EXT1: variants seen among roughly 807,000 people sequenced by gnomAD.
EXT1 encodes exostosin-1.
EXT1 carries 20 observed loss-of-function variants against 82.5 expected under a neutral mutation model. That is an observed-to-expected ratio of 0.24 (90% CI 0.17 to 0.35). The LOEUF (loss-of-function observed/expected upper bound fraction) is 0.35, where lower values mean the gene tolerates loss of function less well. EXT1 is among the 10% of genes least tolerant of loss of function. The probability of loss-of-function intolerance (pLI) is 1.00; values close to 1 mark genes in which losing one functional copy is unlikely to be tolerated. For missense variants in EXT1, 757 were observed against 936.5 expected (o/e 0.81, Z 2.50); for synonymous variants, 348 against 350.8 (o/e 0.99, Z 0.09).
At chr8:117,983,046 C>T (rs1247558579) in intron 1 of EXT1, among the ~76,000 whole-genome samples, 4 of 152,186 alleles carry the variant, frequency 2.6e-5, no homozygotes. Context: ...AAATTAGTTT[C>T]ATTTCATGGT....
intron 1 of EXT1, among the ~76,000 whole-genome samples, chr8:117,862,494 G>A (rs780398464): frequency 6.9e-6 from 1 of 145,872 alleles, no homozygotes; most frequent in Non-Finnish European, 1.5e-5. Flanking sequence ...TCAGAAGGGA[G>A]AAATATATTG....
intron 1 of EXT1, among the ~76,000 whole-genome samples, chr8:117,873,864 GATTT>G (rs1409010237): frequency 3.3e-5 from 5 of 152,316 alleles, no homozygotes; most frequent in East Asian, 3.9e-4. Context: ...ACTCAAAATA[GATTT>G]ATTTGGTATT....
At chr8:117,887,219 G>A (rs1813161893) in intron 1 of EXT1, among the ~76,000 whole-genome samples, 1 of 152,048 alleles carries the variant, frequency 6.6e-6, no homozygotes, top group Non-Finnish European at 1.5e-5. Context: ...ATTTTTTTAG[G>A]TAGGTCTTTC....
intron 1 of EXT1, among the ~76,000 whole-genome samples, chr8:118,098,740 T>C (rs1408397346): frequency 2.4e-5 from 3 of 127,108 alleles, no homozygotes; most frequent in Non-Finnish European, 4.8e-5. Flanking sequence ...GCCTGGACAA[T>C]AGAGCAAGAC....
At chr8:117,896,303 C>G (rs531700772) in intron 1 of EXT1, among the ~76,000 whole-genome samples, 1 of 152,180 alleles carries the variant, frequency 6.6e-6, no homozygotes, top group Non-Finnish European at 1.5e-5. Context: ...TATTTTATTA[C>G]GAGCTTCCTT....
chr8:117,816,878 G>T (rs569492043), intron 7 of EXT1, among the ~76,000 whole-genome samples: 30 of 152,164 alleles, frequency 2.0e-4, no homozygotes, highest in South Asian at 1.0e-3. Flanking sequence ...ACCCATGGAA[G>T]CATACAAAAC....
At chr8:118,102,302 A>C (rs1291827407) in intron 1 of EXT1, among the ~76,000 whole-genome samples, 1 of 151,956 alleles carries the variant, frequency 6.6e-6, no homozygotes, top group Non-Finnish European at 1.5e-5. Context: ...TATGTAAGAA[A>C]ATGTAAATGG....
At chr8:117,934,763 G>A (rs956351245) in intron 1 of EXT1, among the ~76,000 whole-genome samples, 2 of 152,302 alleles carry the variant, frequency 1.3e-5, no homozygotes, top group African/African-American at 4.8e-5. Flanking sequence ...AGGCACTGCG[G>A]TACAGGACAG....
chr8:117,951,409 T>C (rs946645858), intron 1 of EXT1, among the ~76,000 whole-genome samples: 1 of 152,198 alleles, frequency 6.6e-6, no homozygotes, highest in African/African-American at 2.4e-5. Context: ...CAAAAGACAT[T>C]TCATATTTTG....
At chr8:117,862,044 A>C in intron 1 of EXT1, among the ~76,000 whole-genome samples, 1 of 146,028 alleles carries the variant, frequency 6.8e-6, no homozygotes, top group East Asian at 1.9e-4. Context: ...TTTGTACGAC[A>C]CTGATGAAAA....
intron 1 of EXT1, among the ~76,000 whole-genome samples, chr8:117,873,756 T>G (rs1024530786): frequency 6.6e-6 from 1 of 152,136 alleles, no homozygotes; most frequent in Non-Finnish European, 1.5e-5. Flanking sequence ...GCGCCCAGTC[T>G]CACTTTAAAG....
chr8:117,864,184 A>T (rs1812733646), intron 1 of EXT1, among the ~76,000 whole-genome samples: 1 of 152,238 alleles, frequency 6.6e-6, no homozygotes, highest in African/African-American at 2.4e-5. Flanking sequence ...CAACAAAAAC[A>T]CAAAAATCAG....
intron 1 of EXT1, among the ~76,000 whole-genome samples, chr8:117,873,447 C>CTGTTTTTTTTTT (rs1470618787): frequency 1.0e-5 from 1 of 99,706 alleles, no homozygotes; most frequent in Non-Finnish European, 1.9e-5. Context: ...TGTCCTGTGA[C>CTGTTTTTTTTTT]TTTTTTTTTT....
intron 10 of EXT1, 64 bp from the exon 11 acceptor site, chr8:117,799,961 C>T: frequency 6.4e-7 from 1 of 1,560,846 alleles, no homozygotes; most frequent in Non-Finnish European, 8.8e-7. Context: ...GGAAACATTG[C>T]AGAAAATGGA....
At chr8:117,973,795 AAAAGAGAAAGGAAAG>A (rs1814996321) in intron 1 of EXT1, among the ~76,000 whole-genome samples, 1 of 136,072 alleles carries the variant, frequency 7.3e-6, no homozygotes, top group Non-Finnish European at 1.6e-5. Context: ...GAAAGAAAAG[AAAAGAGAAAGGAAAG>A]GAAAGGAAAG....
At chr8:117,821,766 T>A (rs1168509772) in intron 5 of EXT1, among the ~76,000 whole-genome samples, 1 of 152,186 alleles carries the variant, frequency 6.6e-6, no homozygotes, top group Non-Finnish European at 1.5e-5. Flanking sequence ...AGTTTAGAAC[T>A]GTAACTGATG....
At chr8:118,097,663 A>C (rs1385976709) in intron 1 of EXT1, among the ~76,000 whole-genome samples, 1 of 152,108 alleles carries the variant, frequency 6.6e-6, no homozygotes. Flanking sequence ...CATGATCCTC[A>C]GCCTCCAGCC....
At chr8:117,921,258 G>A (rs1453533132) in intron 1 of EXT1, among the ~76,000 whole-genome samples, 1 of 152,088 alleles carries the variant, frequency 6.6e-6, no homozygotes. Context: ...AATGCTAACA[G>A]GTGCTCCTTT....
At chr8:117,835,611 CAG>C (rs2129787029) in intron 2 of EXT1, 60 bp from the exon 3 acceptor site, 1 of 1,281,562 alleles carries the variant, frequency 7.8e-7, no homozygotes, top group South Asian at 1.2e-5. Flanking sequence ...CTGTTCCAAT[CAG>C]AGGTGAAATC....
Sources: gnomAD v4.1 joint callset for allele counts (sites outside exome capture counted in the v4.1 genomes callset) on GRCh38, gnomAD v4.1.1 for gene constraint, MANE v1.5 for transcripts, NCBI Gene and HGNC (gene_info 2026-07-23, HGNC 2026-07-21) for gene names.